RASAL2: variants seen among roughly 807,000 people sequenced by gnomAD.
The protein encoded by RASAL2 is ras GTPase-activating protein nGAP.
Under a neutral mutation model 128.9 loss-of-function variants are expected in RASAL2, and 58 were observed. The ratio of observed to expected loss-of-function variants is 0.45; its 90% CI spans 0.36 to 0.56. RASAL2 has a LOEUF of 0.56. RASAL2 is among the 20% of genes least tolerant of loss of function. RASAL2 has a pLI of 0.00. For missense variants in RASAL2, 1,360 were observed against 1,601.6 expected (o/e 0.85, Z 2.57); for synonymous variants, 561 against 580.8 (o/e 0.97, Z 0.49).
intron 1 of RASAL2, among the ~76,000 whole-genome samples, chr1:178,132,957 C>T (rs1660176761): frequency 6.6e-6 from 1 of 151,862 alleles, no homozygotes; most frequent in African/African-American, 2.4e-5. Context: ...TTAGTAGAGA[C>T]AGAGTCCATG....
chr1:178,198,982 A>G (rs1269564842), intron 1 of RASAL2, among the ~76,000 whole-genome samples: 1 of 152,186 alleles, frequency 6.6e-6, no homozygotes, highest in Admixed American at 6.5e-5. Flanking sequence ...ACCCAGTTCA[A>G]GGTTCCTGGC....
rs555761570 is a variant in RASAL2 at position 178,217,098 on chromosome 1, A to G, written c.203-66466A>G. On this transcript the variant is annotated intron_variant, in intron 1 of 17. Coordinates refer to ENST00000367649, the MANE Select transcript of RASAL2 (RefSeq NM_170692.4). ...TCAAACAGTTCTCCTGCCTCAGCCCACCGAGTAGCTGGGATTATAGGCACG... is the reference window on the plus strand; with the variant it reads ...TCAAACAGTTCTCCTGCCTCAGCCCGCCGAGTAGCTGGGATTATAGGCACG... Among the ~76,000 whole-genome samples the G allele has an allele frequency of 2.3e-4, 35 of 151,972 alleles. No homozygotes were observed. In the East Asian group the frequency reaches 6.4e-3, roughly 28 times the overall value.
chr1:178,434,937 C>A (rs576931918), intron 5 of RASAL2, among the ~76,000 whole-genome samples: 1 of 152,094 alleles, frequency 6.6e-6, no homozygotes, highest in South Asian at 2.1e-4. Flanking sequence ...TTTTAAAAAA[C>A]TGATTAGACA....
chr1:178,454,702 GTAACTA>G, intron 12 of RASAL2, 54 bp downstream of exon 12: 1 of 1,505,070 alleles, frequency 6.6e-7, no homozygotes, highest in Non-Finnish European at 9.2e-7. Context: ...ATTCTGGAAA[GTAACTA>G]TAGAGTGATA....
At chr1:178,133,484 T>TC (rs1045939346) in intron 1 of RASAL2, among the ~76,000 whole-genome samples, 4 of 149,318 alleles carry the variant, frequency 2.7e-5, no homozygotes, top group African/African-American at 9.8e-5. Flanking sequence ...CCCTGTTACT[T>TC]CTTTTTTTTT....
intron 3 of RASAL2, among the ~76,000 whole-genome samples, chr1:178,321,329 A>G (rs1471821637): frequency 3.3e-5 from 5 of 151,896 alleles, no homozygotes; most frequent in Admixed American, 2.6e-4. Context: ...AAGGTGATCC[A>G]CCCACCTCGG....
chr1:178,250,037 C>G (rs1468883696), intron 1 of RASAL2, among the ~76,000 whole-genome samples: 1 of 152,162 alleles, frequency 6.6e-6, no homozygotes, highest in African/African-American at 2.4e-5. Flanking sequence ...GCTTGGCGGT[C>G]AGGGACCCAC....
At chr1:178,162,738 C>T (rs1292292542) in intron 1 of RASAL2, among the ~76,000 whole-genome samples, 1 of 150,574 alleles carries the variant, frequency 6.6e-6, no homozygotes, top group East Asian at 1.9e-4. Context: ...CAAGCATAAG[C>T]CACCATGCTC....
At chr1:178,461,214 C>A (rs1678173330) in intron 14 of RASAL2, among the ~76,000 whole-genome samples, 1 of 152,170 alleles carries the variant, frequency 6.6e-6, no homozygotes, top group Admixed American at 6.5e-5. Context: ...AGGCAAATTC[C>A]TTTACATATT....
intron 1 of RASAL2, among the ~76,000 whole-genome samples, chr1:178,204,558 C>T (rs916270987): frequency 6.6e-6 from 1 of 152,068 alleles, no homozygotes; most frequent in Non-Finnish European, 1.5e-5. Flanking sequence ...ATACCCAGAA[C>T]AAAACTACTT....
intron 2 of RASAL2, among the ~76,000 whole-genome samples, chr1:178,298,220 C>T (rs1667603985): frequency 2.0e-5 from 3 of 152,096 alleles, no homozygotes; most frequent in African/African-American, 7.2e-5. Context: ...AATTTCCATC[C>T]TGAAAGGGAC....
intron 4 of RASAL2, among the ~76,000 whole-genome samples, chr1:178,402,807 C>G (rs1306765309): frequency 6.6e-6 from 1 of 151,914 alleles, no homozygotes; most frequent in African/African-American, 2.4e-5. Context: ...TTCTTAGAGT[C>G]CTAGAAATGA....
intron 2 of RASAL2, among the ~76,000 whole-genome samples, chr1:178,298,317 C>T (rs1216073318): frequency 1.3e-5 from 2 of 151,964 alleles, no homozygotes; most frequent in Non-Finnish European, 2.9e-5. Context: ...ATTTTTTGGC[C>T]TCAGCTTATT....
At chr1:178,450,919 T>A (rs1677328216) in intron 9 of RASAL2, among the ~76,000 whole-genome samples, 1 of 152,166 alleles carries the variant, frequency 6.6e-6, no homozygotes, top group Non-Finnish European at 1.5e-5. Context: ...TACTAGAGGA[T>A]AAACAGGTAA....
chr1:178,415,994 G>C (rs1196669254), intron 4 of RASAL2, among the ~76,000 whole-genome samples: 1 of 135,208 alleles, frequency 7.4e-6, no homozygotes, highest in Non-Finnish European at 1.7e-5. Flanking sequence ...GTTGGGTTTT[G>C]TTTTCTGATC....
At chr1:178,349,191 C>A (rs985545499) in intron 3 of RASAL2, among the ~76,000 whole-genome samples, 6 of 145,114 alleles carry the variant, frequency 4.1e-5, no homozygotes, top group Non-Finnish European at 9.0e-5. Context: ...GAGGCTGAGG[C>A]GGGCAGATCA....
intron 1 of RASAL2, among the ~76,000 whole-genome samples, chr1:178,203,987 C>T (rs1004833864): frequency 2.0e-5 from 3 of 152,184 alleles, no homozygotes; most frequent in Non-Finnish European, 1.5e-5. Flanking sequence ...TGCTGAGGTG[C>T]TTGCTGAAGG....
chr1:178,171,629 T>C (rs1005630119), intron 1 of RASAL2, among the ~76,000 whole-genome samples: 2 of 151,982 alleles, frequency 1.3e-5, no homozygotes, highest in Admixed American at 1.3e-4. Flanking sequence ...CAAAGTTCTT[T>C]ATCCAGTACT....
Position 178,158,923 on chromosome 1 carries a change from A to G in RASAL2, c.202+64229A>G, listed in dbSNP as rs543288130. On this transcript the variant is annotated intron_variant, in intron 1 of 17. Transcript: ENST00000367649. The stretch of plus-strand genomic sequence containing the variant: ...GACAAACATACTTTATGCAAATATT[A>G]AAGTATTGTGATAGAAATGTTTCTT... 5.3e-5 allele frequency among the ~76,000 whole-genome samples: 8 copies of G among 152,306 alleles called. No homozygotes were observed. The South Asian group carries it at 1.7e-3, about 32-fold the overall frequency.
Sources: gnomAD v4.1 joint callset for allele counts (sites outside exome capture counted in the v4.1 genomes callset) on GRCh38, gnomAD v4.1.1 for gene constraint, MANE v1.5 for transcripts, NCBI Gene and HGNC (gene_info 2026-07-23, HGNC 2026-07-21) for gene names.